Variants in RPS27A observed in about 807,000 individuals in gnomAD.
The protein encoded by RPS27A is ubiquitin-ribosomal protein eS31 fusion protein.
RPS27A carries 1 observed loss-of-function variant against 18.9 expected under a neutral mutation model. The ratio of observed to expected loss-of-function variants is 0.05; its 90% CI spans 0.02 to 0.25. The LOEUF is 0.25. Ranked by LOEUF, RPS27A falls within the 10% of genes least tolerant of loss-of-function variation. The pLI, the probability that RPS27A is intolerant of heterozygous loss-of-function variation, is 1.00. For missense variants in RPS27A, 123 were observed against 187.4 expected (o/e 0.66, Z 2.01); for synonymous variants, 77 against 63.7 (o/e 1.21, Z -0.99).
intron 4 of RPS27A, chr2:55,234,608 T>A (rs1180741568): frequency 8.4e-6 from 5 of 595,948 alleles, no homozygotes; most frequent in Admixed American, 2.8e-5. Context: ...AGTTCTCCCA[T>A]TATGAATTTT....
chr2:55,234,236 A>G, intron 4 of RPS27A, 32 bp downstream of exon 4: 1 of 1,466,798 alleles, frequency 6.8e-7, no homozygotes, highest in Middle Eastern at 1.7e-4. Flanking sequence ...CCTCTTTTAA[A>G]AAAAAAATGT....
At chr2:55,235,201 A>T in intron 5 of RPS27A, 4 of 686,658 alleles carry the variant, frequency 5.8e-6, no homozygotes, top group Non-Finnish European at 9.8e-6. Flanking sequence ...TCAGGTCTTT[A>T]CCTTTGTCTA....
At chr2:55,234,390 T>C (rs190271942) in intron 4 of RPS27A, 186 bp downstream of exon 4, 67 of 615,538 alleles carry the variant, frequency 1.1e-4, no homozygotes, top group Middle Eastern at 8.9e-4. Context: ...GTTGGAACTA[T>C]AGGCACCCGC....
In RPS27A at chr2:55,234,926, AAAG is replaced by A. The variant is rs1675714408; in HGVS notation, c.289_291del (p.Lys97del). 6.2e-7 allele frequency: 1 copy of A among 1,613,402 alleles called. No individual in the cohort carries two copies. The highest frequency in any genetic ancestry group is 8.5e-7 in the Non-Finnish European group (1 of 1,179,848). On this transcript the variant is annotated inframe_deletion, in exon 5 of 6. Transcript: ENST00000272317. ...CTCCCAAGAAGAATAAGCACAAGAG[AAAG>A]AAGGTTAAGCTGGCTGTCCTGAAAT...
At position 55,235,654 on chromosome 2, in the gene RPS27A, A is replaced by T. The variant is rs1675752207; in HGVS notation, c.*77A>T. The T allele has an allele frequency of 2.0e-6, 3 of 1,497,934 alleles. No homozygotes were observed. The East Asian group carries it at 6.8e-5, about 34-fold the overall frequency. The allele number at this position is 1,497,934 out of a possible 1,614,324, so 92.8% of individuals were successfully genotyped here. ...GCAGTAAAAAGAATGGTTTTTAAGC[A>T]CCAAATTGATGGTCACACCATTTCC... On this transcript the variant is annotated 3_prime_UTR_variant, in exon 6 of 6. Transcript: ENST00000272317.
intron 4 of RPS27A, 178 bp from the exon 5 acceptor site, chr2:55,234,653 C>A: frequency 1.4e-6 from 1 of 705,396 alleles, no homozygotes; most frequent in Non-Finnish European, 2.4e-6. Context: ...GTAATGCATT[C>A]TTTAATGTCC....
intron 5 of RPS27A, 120 bp downstream of exon 5, chr2:55,235,082 T>A: frequency 1.9e-6 from 2 of 1,079,680 alleles, no homozygotes; most frequent in Non-Finnish European, 2.7e-6. Context: ...CACTTTGGTT[T>A]AAATGAGGTA....
intron 3 of RPS27A, chr2:55,233,631 T>G (rs913039019): frequency 5.3e-6 from 3 of 570,578 alleles, no homozygotes; most frequent in Non-Finnish European, 6.3e-6. Flanking sequence ...TTTGGACACT[T>G]ATTTATTTAT....
At chr2:55,233,030 G>C (rs925596127) in intron 2 of RPS27A, 158 bp downstream of exon 2, 2 of 734,750 alleles carry the variant, frequency 2.7e-6, no homozygotes, top group Non-Finnish European at 4.9e-6. Context: ...CAACGACCTA[G>C]AGGTGATTTT....
intron 3 of RPS27A, 48 bp from the exon 4 acceptor site, chr2:55,234,071 A>G (rs767692411): frequency 2.2e-5 from 28 of 1,251,324 alleles, no homozygotes; most frequent in Non-Finnish European, 3.2e-5. Context: ...TCTGGAGCAC[A>G]TCACAGGCTT....
At chr2:55,233,202 C>G in intron 2 of RPS27A, 161 bp from the exon 3 acceptor site, 1 of 725,600 alleles carries the variant, frequency 1.4e-6, no homozygotes, top group Non-Finnish European at 2.5e-6. Flanking sequence ...AGGTGCTTTC[C>G]GGTAGCCGAC....
At chr2:55,233,060 C>T (rs2104211869) in intron 2 of RPS27A, 188 bp downstream of exon 2, 2 of 678,700 alleles carry the variant, frequency 2.9e-6, no homozygotes, top group Non-Finnish European at 2.7e-6. Context: ...AAGGCTGGAC[C>T]TGTCTCCTCT....
At position 55,233,351 on chromosome 2, in the gene RPS27A, T is replaced by C. The variant is rs756624354; in HGVS notation, c.49-12T>C. 14 of 1,608,436 alleles carry C rather than the reference T, an allele frequency of 8.7e-6. No homozygotes were observed. The highest frequency in any genetic ancestry group is 1.2e-5 in the Non-Finnish European group (14 of 1,174,872). ...ATGTGTAACCAACATGCTTTCACTT[T>C]AACACTCATAGGTTGAACCCTCGGA... is the stretch of plus-strand genomic sequence containing the variant. On this transcript the variant is annotated splice_polypyrimidine_tract_variant and intron_variant, in intron 2 of 5. Coordinates refer to ENST00000272317, the MANE Select transcript of RPS27A (RefSeq NM_002954.6).
intron 3 of RPS27A, 69 bp downstream of exon 3, chr2:55,233,486 A>G (rs1675608309): frequency 2.8e-6 from 3 of 1,073,574 alleles, no homozygotes; most frequent in African/African-American, 1.6e-5. Flanking sequence ...GGTGCTAGAC[A>G]TACCTGCTCT....
chr2:55,232,173 C>T (rs1225556213), upstream of RPS27A: 1 of 161,892 alleles, frequency 6.2e-6, no homozygotes, highest in Non-Finnish European at 1.4e-5. Context: ...GCTCTAGTCA[C>T]TTCCGGCCCG....
chr2:55,234,359 C>T (rs989109171), intron 4 of RPS27A, 155 bp downstream of exon 4: 1 of 663,978 alleles, frequency 1.5e-6, no homozygotes, highest in African/African-American at 1.8e-5. Flanking sequence ...TCAGGTGGTC[C>T]TCCCACCTCA....
chr2:55,232,771 C>T (rs765303845), intron 1 of RPS27A, 37 bp from the exon 2 acceptor site: 31 of 1,540,110 alleles, frequency 2.0e-5, no homozygotes, highest in Admixed American at 1.6e-4. Context: ...CTTGTGATCC[C>T]TGACCTAACC....
chr2:55,233,035 G>GAT, intron 2 of RPS27A, 163 bp downstream of exon 2: 1 of 718,938 alleles, frequency 1.4e-6, no homozygotes, highest in South Asian at 1.6e-5. Context: ...ACCTAGAGGT[G>GAT]ATTTTCGGTG....
Position 55,235,652 on chromosome 2 carries a change from G to A in RPS27A, c.*75G>A. On this transcript the variant is annotated 3_prime_UTR_variant, in exon 6 of 6. Coordinates refer to ENST00000272317, the MANE Select transcript of RPS27A (RefSeq NM_002954.6). ...TTGCAGTAAAAAGAATGGTTTTTAA[G>A]CACCAAATTGATGGTCACACCATTT... 1 of 1,501,118 alleles carries A rather than the reference G, an allele frequency of 6.7e-7. No homozygotes were observed. Among genetic ancestry groups the A allele is most frequent in the Admixed American group, 1.7e-5 (1 of 59,836 alleles). The allele number at this position is 1,501,118 out of a possible 1,614,324, so 93.0% of individuals were successfully genotyped here.
Sources: gnomAD v4.1 joint callset for allele counts on GRCh38, gnomAD v4.1.1 for gene constraint, MANE v1.5 for transcripts, NCBI Gene and HGNC (gene_info 2026-07-23, HGNC 2026-07-21) for gene names.